Variants in SPAG16 observed in about 807,000 individuals in gnomAD.
The protein encoded by SPAG16 is sperm associated antigen 16.
In SPAG16, 86 loss-of-function variants were observed where a neutral mutation model predicts 80.4. The observed-to-expected ratio is 1.07, with a 90% CI of 0.90 to 1.28. The LOEUF (loss-of-function observed/expected upper bound fraction) is 1.28, where lower values mean the gene tolerates loss of function less well. Ranked by LOEUF, SPAG16 falls within the 50% of genes most tolerant of loss-of-function variation. The pLI, the probability that SPAG16 is intolerant of heterozygous loss-of-function variation, is 0.00. For synonymous variants in SPAG16, 294 were observed against 265.9 expected (o/e 1.11, Z -1.03); for missense variants, 870 against 765.3 (o/e 1.14, Z -1.61).
At chr2:214,173,195 T>C (rs1189133144) in intron 15 of SPAG16, among the ~76,000 whole-genome samples, 4 of 152,264 alleles carry the variant, frequency 2.6e-5, no homozygotes, top group African/African-American at 9.6e-5. Flanking sequence ...TGAATGGTAA[T>C]GCGTAGGTTT....
intron 5 of SPAG16, among the ~76,000 whole-genome samples, chr2:213,321,504 T>C (rs1342689049): frequency 2.0e-5 from 3 of 152,142 alleles, no homozygotes; most frequent in Non-Finnish European, 4.4e-5. Flanking sequence ...CTATTATCAA[T>C]AACTCTAAAT....
intron 10 of SPAG16, among the ~76,000 whole-genome samples, chr2:213,648,730 C>T (rs1470390509): frequency 6.6e-6 from 1 of 152,152 alleles, no homozygotes; most frequent in Non-Finnish European, 1.5e-5. Context: ...TATAAACCCA[C>T]AAACTATAAG....
intron 10 of SPAG16, among the ~76,000 whole-genome samples, chr2:213,601,002 G>C (rs895151811): frequency 2.1e-4 from 32 of 152,158 alleles, no homozygotes; most frequent in Non-Finnish European, 7.3e-5. Context: ...TTTGTCTTAG[G>C]GGAAAGTGAG....
At chr2:213,945,505 T>A (rs1036861515) in intron 12 of SPAG16, among the ~76,000 whole-genome samples, 5 of 151,966 alleles carry the variant, frequency 3.3e-5, no homozygotes, top group African/African-American at 1.2e-4. Context: ...GAGAAAGATG[T>A]AGGCTGGGAG....
At chr2:214,066,879 A>G (rs1250089664) in intron 13 of SPAG16, among the ~76,000 whole-genome samples, 1 of 152,174 alleles carries the variant, frequency 6.6e-6, no homozygotes, top group Non-Finnish European at 1.5e-5. Flanking sequence ...CAACTTTCCA[A>G]GGAAAAATTA....
intron 10 of SPAG16, among the ~76,000 whole-genome samples, chr2:213,828,734 T>C (rs1384532679): frequency 3.3e-5 from 5 of 152,236 alleles, no homozygotes; most frequent in Non-Finnish European, 7.3e-5. Context: ...TAGAGCCATA[T>C]CTGCATTAGG....
intron 11 of SPAG16, among the ~76,000 whole-genome samples, chr2:213,908,752 T>C (rs1193358702): frequency 8.8e-6 from 1 of 113,614 alleles, no homozygotes; most frequent in African/African-American, 2.8e-5. Context: ...ATCATTCTTT[T>C]TTTTTGTCTT....
intron 10 of SPAG16, among the ~76,000 whole-genome samples, chr2:213,747,661 A>G (rs1001475793): frequency 6.6e-6 from 1 of 152,244 alleles, no homozygotes; most frequent in Non-Finnish European, 1.5e-5. Flanking sequence ...GGCTAGGAGC[A>G]ACAGGCTAGA....
At chr2:213,651,159 CACAA>C (rs1263924688) in intron 10 of SPAG16, among the ~76,000 whole-genome samples, 1 of 152,158 alleles carries the variant, frequency 6.6e-6, no homozygotes, top group Non-Finnish European at 1.5e-5. Context: ...ATTATACACA[CACAA>C]ACACACACAA....
At chr2:213,531,306 A>C (rs1430345812) in intron 10 of SPAG16, among the ~76,000 whole-genome samples, 2 of 151,876 alleles carry the variant, frequency 1.3e-5, no homozygotes, top group African/African-American at 4.8e-5. Context: ...TGCATAACCT[A>C]TCAGCCTTTG....
intron 13 of SPAG16, 122 bp downstream of exon 13, chr2:214,014,199 G>C: frequency 1.6e-6 from 2 of 1,248,036 alleles, no homozygotes. Context: ...CAAAAGAACA[G>C]TAAAAAGTTC....
intron 10 of SPAG16, among the ~76,000 whole-genome samples, chr2:213,631,027 C>T (rs1388296490): frequency 1.3e-5 from 2 of 152,086 alleles, no homozygotes; most frequent in African/African-American, 2.4e-5. Context: ...AAGACCTAAA[C>T]GATCTGATGG....
chr2:213,688,044 A>G (rs1224030149), intron 10 of SPAG16, among the ~76,000 whole-genome samples: 2 of 152,182 alleles, frequency 1.3e-5, no homozygotes, highest in African/African-American at 2.4e-5. Flanking sequence ...TGAGACATCA[A>G]TCAAATACAT....
intron 15 of SPAG16, among the ~76,000 whole-genome samples, chr2:214,253,530 A>G (rs1377390387): frequency 6.6e-6 from 1 of 152,168 alleles, no homozygotes; most frequent in Non-Finnish European, 1.5e-5. Context: ...ATGGCTAGCC[A>G]GTTTTCCCAA....
chr2:214,025,467 A>G (rs2048081225), intron 13 of SPAG16, among the ~76,000 whole-genome samples: 1 of 151,658 alleles, frequency 6.6e-6, no homozygotes, highest in Non-Finnish European at 1.5e-5. Context: ...ACCCATTAAA[A>G]CTTCAATAGT....
chr2:213,593,447 T>G (rs1342254169), intron 10 of SPAG16, among the ~76,000 whole-genome samples: 2 of 152,180 alleles, frequency 1.3e-5, no homozygotes, highest in Non-Finnish European at 2.9e-5. Context: ...GCTCTTAATA[T>G]TACTTGCCTT....
At chr2:213,562,988 T>C (rs963524672) in intron 10 of SPAG16, among the ~76,000 whole-genome samples, 4 of 152,214 alleles carry the variant, frequency 2.6e-5, no homozygotes, top group African/African-American at 9.6e-5. Context: ...ACCATCACGC[T>C]GGGCGTTAGG....
At chr2:214,041,214 C>G (rs1467033364) in intron 13 of SPAG16, among the ~76,000 whole-genome samples, 3 of 150,050 alleles carry the variant, frequency 2.0e-5, no homozygotes, top group African/African-American at 4.9e-5. Flanking sequence ...GTTTTTTGTT[C>G]TGTTTTGCTT....
At chr2:214,282,023 C>T (rs1299968695) in intron 15 of SPAG16, among the ~76,000 whole-genome samples, 1 of 152,074 alleles carries the variant, frequency 6.6e-6, no homozygotes, top group African/African-American at 2.4e-5. Context: ...GTTCTAATCT[C>T]TCATTATAAA....
Sources: gnomAD v4.1 joint callset for allele counts (sites outside exome capture counted in the v4.1 genomes callset) on GRCh38, gnomAD v4.1.1 for gene constraint, MANE v1.5 for transcripts, NCBI Gene and HGNC (gene_info 2026-07-23, HGNC 2026-07-21) for gene names.